The following KIF21A variants were observed in gnomAD, a reference collection of about 807,000 sequenced individuals.
KIF21A encodes the protein kinesin-like protein KIF21A.
Under a neutral mutation model 202.9 loss-of-function variants are expected in KIF21A, and 114 were observed. The ratio of observed to expected loss-of-function variants is 0.56; its 90% CI spans 0.48 to 0.66. The LOEUF (loss-of-function observed/expected upper bound fraction) is 0.66, where lower values mean the gene tolerates loss of function less well. Among genes scored for constraint, KIF21A ranks in the 30% least tolerant of loss-of-function variants. The pLI is 0.00. For synonymous variants in KIF21A, 667 were observed against 670.8 expected, an observed-to-expected ratio of 0.99 and a Z score of 0.09; for missense variants, 1,677 against 1,994.9, an observed-to-expected ratio of 0.84 and a Z score of 3.04.
At chr12:39,305,895 G>A (rs540859617) in intron 34 of KIF21A, among the ~76,000 whole-genome samples, 1 of 152,180 alleles carries the variant, frequency 6.6e-6, no homozygotes, top group Admixed American at 6.5e-5. Context: ...ATACACATAA[G>A]TGCATGTACA....
chr12:39,338,714 G>A (rs144124827), intron 16 of KIF21A, among the ~76,000 whole-genome samples: 4 of 152,252 alleles, frequency 2.6e-5, no homozygotes, highest in Non-Finnish European at 5.9e-5. Context: ...GTTTCCCAGC[G>A]CATATAAAGT....
chr12:39,439,088 A>G (rs1050873368), intron 1 of KIF21A, among the ~76,000 whole-genome samples: 1 of 152,130 alleles, frequency 6.6e-6, no homozygotes, highest in Non-Finnish European at 1.5e-5. Context: ...TCAGAGGAAA[A>G]AAAGTGTTGC....
intron 1 of KIF21A, among the ~76,000 whole-genome samples, chr12:39,402,195 A>G (rs906797292): frequency 1.4e-4 from 21 of 152,226 alleles, no homozygotes; most frequent in Non-Finnish European, 2.8e-4. Context: ...AATTTATTTT[A>G]TATTACATAA....
intron 1 of KIF21A, among the ~76,000 whole-genome samples, chr12:39,435,659 A>ACCCCAC (rs1938583689): frequency 6.7e-6 from 1 of 150,164 alleles, no homozygotes; most frequent in Non-Finnish European, 1.5e-5. Context: ...GCCTCACTCC[A>ACCCCAC]CCCCACCCCC....
chr12:39,358,042 T>C, intron 8 of KIF21A, 136 bp downstream of exon 8: 1 of 738,934 alleles, frequency 1.4e-6, no homozygotes, highest in Non-Finnish European at 2.4e-6. Flanking sequence ...TAGAGACTCT[T>C]ACCTCCAAAA....
chr12:39,341,928 C>T, intron 13 of KIF21A, 106 bp downstream of exon 13: 1 of 776,956 alleles, frequency 1.3e-6, no homozygotes. Context: ...AAACAGAATG[C>T]ATCATAAGCA....
chr12:39,428,287 T>C lies in KIF21A; in HGVS notation c.44+14640A>G, dbSNP rs539490721. Among the ~76,000 whole-genome samples, 4 of 152,370 alleles carry C rather than the reference T, an allele frequency of 2.6e-5. No homozygotes were observed. In the East Asian group the frequency reaches 7.7e-4, roughly 29 times the overall value. On this transcript the variant is annotated intron_variant, in intron 1 of 37. Coordinates refer to ENST00000361418, the MANE Select transcript of KIF21A (RefSeq NM_001173464.2). ...TGAAGGACTCAAAAGGTATTTGTTT[T>C]AACAATTCAATCAAGTTTGCTTTCT...
rs757111473 is a variant in KIF21A at position 39,322,881 on chromosome 12, G to A, written c.3458C>T (p.Ala1153Val). The change falls in exon 27 of 38, where the codon GCC (alanine) becomes GTC (valine). Residue 1153 changes from alanine (A) to valine (V), a missense_variant and splice_region_variant. Physicochemically the swap from Ala to Val is moderately conservative, Grantham distance 64 (BLOSUM62 0). Transcript: ENST00000361418. ...CATCTGAGTGGTGGTTCTCCTTCGG[G>A]CCTAGTCAAAGAATGGAAGGAAAAG... ...LCGEVKPKNK[A>V]RRRTTTQMEL... 1 of 1,596,280 alleles carries A rather than the reference G, an allele frequency of 6.3e-7. No homozygotes were observed. Among genetic ancestry groups the A allele is most frequent in the South Asian group, 1.1e-5 (1 of 88,698 alleles).
In KIF21A at chr12:39,367,183, C is replaced by G; in HGVS notation, c.601-19G>C. Reference sequence around the variant, plus strand: ...GCATCATCTGAAAAAGGGGAAGAAACAAGGACTTTACTTGAACAATAAACA... The same window carrying G: ...GCATCATCTGAAAAAGGGGAAGAAAGAAGGACTTTACTTGAACAATAAACA... On this transcript the variant is annotated intron_variant, in intron 4 of 37. Transcript: ENST00000361418. The G allele has an allele frequency of 6.2e-7, 1 of 1,613,614 alleles. No homozygotes were observed. The highest frequency in any genetic ancestry group is 8.5e-7 in the Non-Finnish European group (1 of 1,179,680).
At chr12:39,299,913 A>C (rs1193581375) in intron 37 of KIF21A, among the ~76,000 whole-genome samples, 1 of 152,136 alleles carries the variant, frequency 6.6e-6, no homozygotes, top group Non-Finnish European at 1.5e-5. Flanking sequence ...GAACTCATAG[A>C]CACAAAAAAG....
intron 1 of KIF21A, among the ~76,000 whole-genome samples, chr12:39,386,623 C>T (rs564350693): frequency 5.9e-5 from 9 of 152,270 alleles, no homozygotes; most frequent in African/African-American, 2.2e-4. Flanking sequence ...CTTTCTAAGC[C>T]ACACCAAAAC....
chr12:39,315,135 G>GA, intron 31 of KIF21A, 94 bp downstream of exon 31: 2 of 1,212,946 alleles, frequency 1.6e-6, no homozygotes, highest in Non-Finnish European at 2.4e-6. Context: ...CTGAAGGAGA[G>GA]AAAAAAATAA....
chr12:39,334,140 G>T (rs756530394), intron 17 of KIF21A, among the ~76,000 whole-genome samples: 1 of 146,358 alleles, frequency 6.8e-6, no homozygotes, highest in South Asian at 2.1e-4. Flanking sequence ...GGCAGAGGCT[G>T]CAGTGAGCCA....
chr12:39,329,794 T>C (rs1441043141), intron 24 of KIF21A, among the ~76,000 whole-genome samples: 1 of 152,100 alleles, frequency 6.6e-6, no homozygotes, highest in African/African-American at 2.4e-5. Flanking sequence ...TAAAAGTGTG[T>C]GCTTAAATTT....
intron 35 of KIF21A, among the ~76,000 whole-genome samples, chr12:39,303,815 T>C (rs1943199009): frequency 1.3e-5 from 2 of 152,232 alleles, no homozygotes; most frequent in African/African-American, 2.4e-5. Context: ...CTTTCCTCAG[T>C]TGCACTCATC....
At chr12:39,325,964 A>T in intron 25 of KIF21A, 71 bp from the exon 26 acceptor site, 4 of 1,180,718 alleles carry the variant, frequency 3.4e-6, no homozygotes, top group Non-Finnish European at 5.0e-6. Context: ...GCTCCTCTAT[A>T]TCAACGACTA....
intron 7 of KIF21A, among the ~76,000 whole-genome samples, chr12:39,361,136 T>C (rs1949175961): frequency 6.6e-6 from 1 of 152,248 alleles, no homozygotes; most frequent in South Asian, 2.1e-4. Flanking sequence ...AGTGAAAATA[T>C]CTTAGACCAC....
intron 37 of KIF21A, among the ~76,000 whole-genome samples, chr12:39,300,433 G>A (rs527668641): frequency 6.6e-6 from 1 of 152,152 alleles, no homozygotes; most frequent in East Asian, 1.9e-4. Context: ...AAATCTAAAT[G>A]AAAGGAGAAA....
chr12:39,334,557 GAATT>G (rs145466317), intron 17 of KIF21A, among the ~76,000 whole-genome samples: 14,901 of 152,028 alleles, frequency 0.098, 748 homozygotes, highest in East Asian at 0.14. Flanking sequence ...TTTAATTAAT[GAATT>G]ATCAGAAATT....
Sources: allele counts gnomAD v4.1 joint callset (sites outside exome capture counted in the v4.1 genomes callset), GRCh38; gene constraint gnomAD v4.1.1; transcripts MANE v1.5; gene names NCBI Gene and HGNC (gene_info 2026-07-23, HGNC 2026-07-21).